PIK3R2: variants seen among roughly 807,000 people sequenced by gnomAD.
PIK3R2 encodes phosphatidylinositol 3-kinase regulatory subunit beta.
Under a neutral mutation model 78.5 loss-of-function variants are expected in PIK3R2, and 40 were observed. That is an observed-to-expected ratio of 0.51 (90% confidence interval 0.40 to 0.66). The LOEUF (loss-of-function observed/expected upper bound fraction) is 0.66, where lower values mean the gene tolerates loss of function less well. Among genes scored for constraint, PIK3R2 ranks in the 30% least tolerant of loss-of-function variants. The probability of loss-of-function intolerance (pLI) is 0.00; values close to 1 mark genes in which losing one functional copy is unlikely to be tolerated. For synonymous variants in PIK3R2, 473 were observed against 457.7 expected (o/e 1.03, Z -0.43); for missense variants, 880 against 1,026.6 (o/e 0.86, Z 1.95).
rs1478273918 is a variant in PIK3R2 at position 18,161,989 on chromosome 19, C to G, written c.839C>G (p.Pro280Arg). 1.2e-6 allele frequency: 2 copies of G among 1,613,970 alleles called. No individual in the cohort carries two copies. The highest frequency in any genetic ancestry group is 1.7e-5 in the Admixed American group (1 of 60,012). Residue 280 changes from proline to arginine, a missense_variant, in exon 7 of 16, where the codon CCG becomes CGG. Around this residue, in one of 3 missense-constraint regions of PIK3R2, gnomAD observed 456 missense variants for 486.6 expected, o/e 0.94. Coordinates refer to ENST00000222254, the MANE Select transcript of PIK3R2 (RefSeq NM_005027.4). The surrounding 1 kb of genome is among the most constrained non-coding windows in gnomAD (Gnocchi z 5.3). ...PDGSEPSPDF[P>R]ALLVEKLLQE... ...AGGAGTGAGCCCAGCCCTGACTTCC[C>G]GGCGCTGCTGGTGGAGAAGCTGCTT...
At position 18,156,241 on chromosome 19, in the gene PIK3R2, C is replaced by T; in HGVS notation, c.322+40C>T. 1 of 1,406,312 alleles carries T rather than the reference C, an allele frequency of 7.1e-7. No homozygotes were observed. The highest frequency in any genetic ancestry group is 2.6e-5 in the East Asian group (1 of 38,538). The allele number at this position is 1,406,312 out of a possible 1,614,324, so 87.1% of individuals were successfully genotyped here. Reference sequence around the variant, plus strand: ...GGGGCCCTGGAAAGGGGGGTGGTCCCCTCAGACCCTTGGTCTCCTCTTCTG... The same window carrying T: ...GGGGCCCTGGAAAGGGGGGTGGTCCTCTCAGACCCTTGGTCTCCTCTTCTG... On this transcript the variant is annotated intron_variant, in intron 2 of 15. Coordinates refer to ENST00000222254, the MANE Select transcript of PIK3R2 (RefSeq NM_005027.4). This position sits in a 1 kb window ranked among gnomAD's most constrained non-coding sequence, Gnocchi z 4.2.
In PIK3R2 at chr19:18,161,957, C is replaced by T. The variant is rs376292255; in HGVS notation, c.816-9C>T. 45 of 1,612,762 alleles carry T rather than the reference C, an allele frequency of 2.8e-5. No individual in the cohort carries two copies. Among genetic ancestry groups the T allele is most frequent in the Admixed American group, 1.2e-4 (7 of 59,988 alleles). On this transcript the variant is annotated splice_polypyrimidine_tract_variant and intron_variant, in intron 6 of 15. Transcript: ENST00000222254. This position sits in a 1 kb window ranked among gnomAD's most constrained non-coding sequence, Gnocchi z 5.3. Reference sequence around the variant, plus strand: ...ACCCAGCCCTCACCACACTCCCCTTCCCCCTAAGGAGTGAGCCCAGCCCTG... The same window carrying T: ...ACCCAGCCCTCACCACACTCCCCTTTCCCCTAAGGAGTGAGCCCAGCCCTG...
chr19:18,154,428 G>A (rs987902829), intron 1 of PIK3R2, among the ~76,000 whole-genome samples: 2 of 152,118 alleles, frequency 1.3e-5, no homozygotes, highest in African/African-American at 4.8e-5. Context: ...TGGGCCCCAG[G>A]CTGGAGCTAC....
In PIK3R2 at chr19:18,155,800, CAGCCCTGCTTCA is replaced by C. The variant is rs2043670909; in HGVS notation, c.-78_-67del. ...CCCAAGCCAACCCAGCGGACCCTCC[CAGCCCTGCTTCA>C]ACCAATGGGGCCAGTGGGGCTCCAA... is the stretch of plus-strand genomic sequence containing the variant. On this transcript the variant is annotated 5_prime_UTR_variant, in exon 2 of 16. Transcript: ENST00000222254. The C allele has an allele frequency of 1.5e-6, 2 of 1,350,688 alleles. No homozygotes were observed. Among genetic ancestry groups the C allele is most frequent in the Non-Finnish European group, 2.0e-6 (2 of 1,007,858 alleles). 83.7% of individuals were successfully genotyped at this position (1,350,688 alleles called of 1,614,324 possible).
intron 2 of PIK3R2, among the ~76,000 whole-genome samples, chr19:18,157,556 A>T (rs1030479001): frequency 1.4e-4 from 21 of 152,126 alleles, no homozygotes; most frequent in African/African-American, 4.8e-4. Context: ...CTGTGCACCC[A>T]CGGGGGAGGT....
chr19:18,157,965 G>C (rs562235876), intron 2 of PIK3R2, among the ~76,000 whole-genome samples: 1 of 152,214 alleles, frequency 6.6e-6, no homozygotes, highest in African/African-American at 2.4e-5. Flanking sequence ...AGGGCTGGGA[G>C]GGGGCTGGGC....
At chr19:18,157,995 C>T (rs915275962) in intron 2 of PIK3R2, among the ~76,000 whole-genome samples, 8 of 152,340 alleles carry the variant, frequency 5.3e-5, no homozygotes, top group Admixed American at 3.9e-4. Context: ...CGCCGGCACC[C>T]GCTAGGAGGG....
rs747442212 is a variant in PIK3R2, at chr19:18,168,732, C to T, written c.1815C>T (p.Tyr605=). The change falls in exon 15 of 16, where the codon TAC becomes TAT. Residue 605 remains tyrosine (Y), a synonymous_variant. Coordinates refer to ENST00000222254, the MANE Select transcript of PIK3R2 (RefSeq NM_005027.4). This position sits in a 1 kb window ranked among gnomAD's most constrained non-coding sequence, Gnocchi z 4.1. The stretch of plus-strand genomic sequence containing the variant: ...CCACCGCCCCCCACCCCAGCCAGTA[C>T]GCACTCATGGAGGACGAGGACGATC... ...LGIKNETEDQ[Y]ALMEDEDDLP... is the part of the protein sequence containing the mutation. The T allele has an allele frequency of 2.6e-5, 41 of 1,584,332 alleles. No individual in the cohort carries two copies. Among genetic ancestry groups the T allele is most frequent in the African/African-American group, 2.6e-4 (19 of 74,450 alleles).
Position 18,167,238 on chromosome 19 carries a change from C to T in PIK3R2, c.1668C>T (p.Ile556=), listed in dbSNP as rs756916682. The change falls in exon 13 of 16, where the codon ATC becomes ATT. Residue 556 remains isoleucine, a synonymous_variant. Coordinates refer to ENST00000222254, the MANE Select transcript of PIK3R2 (RefSeq NM_005027.4). This position sits in a 1 kb window ranked among gnomAD's most constrained non-coding sequence, Gnocchi z 4.5. ...LRAQASDNRE[I]DKRMNSLKPD... ...CCCAGGCCTCGGACAACAGAGAGAT[C>T]GACAAGCGCATGAACAGCCTCAAGC... is the stretch of plus-strand genomic sequence containing the variant. The T allele has an allele frequency of 4.3e-6, 7 of 1,612,762 alleles. No individual in the cohort carries two copies. The highest frequency in any genetic ancestry group is 5.9e-6 in the Non-Finnish European group (7 of 1,179,560).
chr19:18,156,234 G>T lies in PIK3R2; in HGVS notation c.322+33G>T. On this transcript the variant is annotated intron_variant, in intron 2 of 15. Coordinates refer to ENST00000222254, the MANE Select transcript of PIK3R2 (RefSeq NM_005027.4). The surrounding 1 kb of genome is among the most constrained non-coding windows in gnomAD (Gnocchi z 4.2). ...GCAAGCAGGGGCCCTGGAAAGGGGG[G>T]TGGTCCCCTCAGACCCTTGGTCTCC... 7.0e-7 allele frequency: 1 copy of T among 1,438,670 alleles called. No individual in the cohort carries two copies. Among genetic ancestry groups the T allele is most frequent in the African/African-American group, 1.5e-5 (1 of 66,912 alleles). 89.1% of individuals were successfully genotyped at this position (1,438,670 alleles called of 1,614,324 possible).
At chr19:18,162,643 G>GGAGGCT (rs2043762417) in intron 9 of PIK3R2, 137 bp downstream of exon 9, 1 of 726,794 alleles carries the variant, frequency 1.4e-6, no homozygotes, top group South Asian at 1.7e-5. Context: ...CAGCACTTTG[G>GGAGGCT]GAGGCTGAGG....
In PIK3R2 at chr19:18,156,005, C is replaced by T. The variant is rs893028434; in HGVS notation, c.126C>T (p.Gly42=). 30 of 1,558,536 alleles carry T rather than the reference C, an allele frequency of 1.9e-5. 1 individual carries two copies. The African/African-American group carries it at 3.1e-4, about 16-fold the overall frequency. ...GCCGGGCGGCCTTGCAGGCGCTGGGCGTGGCCGAGGGTGGCGAGCGCTGCC... is the reference window on the plus strand; with the variant it reads ...GCCGGGCGGCCTTGCAGGCGCTGGGTGTGGCCGAGGGTGGCGAGCGCTGCC... ...VVSRAALQAL[G]VAEGGERCPQ... The change falls in exon 2 of 16, where the codon GGC becomes GGT. Residue 42 remains glycine, a synonymous_variant. Coordinates refer to ENST00000222254, the MANE Select transcript of PIK3R2 (RefSeq NM_005027.4). This position sits in a 1 kb window ranked among gnomAD's most constrained non-coding sequence, Gnocchi z 4.2.
chr19:18,167,428 C>A lies in PIK3R2; in HGVS notation c.1736+122C>A, dbSNP rs1047780139. On this transcript the variant is annotated intron_variant, in intron 13 of 15. Coordinates refer to ENST00000222254, the MANE Select transcript of PIK3R2 (RefSeq NM_005027.4). This position sits in a 1 kb window ranked among gnomAD's most constrained non-coding sequence, Gnocchi z 4.5. ...TGGCCCTTCCTGGGCCCCGAGACCC[C>A]TTAAACTCGGTTCCTCCCGGGCCCC... The A allele has an allele frequency of 3.7e-6, 3 of 814,550 alleles. No homozygotes were observed. The Admixed American group carries it at 1.1e-4, about 31-fold the overall frequency. 50.5% of individuals were successfully genotyped at this position (814,550 alleles called of 1,614,324 possible).
At chr19:18,160,792 C>G in intron 3 of PIK3R2, 127 bp from the exon 4 acceptor site, 1 of 1,204,630 alleles carries the variant, frequency 8.3e-7, no homozygotes, top group Non-Finnish European at 1.2e-6. Context: ...TTCTCCCTCC[C>G]CACCCCTCCC....
rs1262786350 is a variant in PIK3R2, at chr19:18,156,913, CG to C, written c.322+716del. On this transcript the variant is annotated intron_variant, in intron 2 of 15. Coordinates refer to ENST00000222254, the MANE Select transcript of PIK3R2 (RefSeq NM_005027.4). This position sits in a 1 kb window ranked among gnomAD's most constrained non-coding sequence, Gnocchi z 4.2. ...ATGGGCAGGGAGTGTGGGCTCTGGC[CG>C]GGGAAACTGTGGCCCAGGTTGCAAG... 6.6e-6 allele frequency among the ~76,000 whole-genome samples: 1 copy of C among 152,120 alleles called. No individual in the cohort carries two copies. Among genetic ancestry groups the C allele is most frequent in the Non-Finnish European group, 1.5e-5 (1 of 68,004 alleles).
In PIK3R2 at chr19:18,159,163, T is replaced by TTTTTTTTTTTTTTTTTA. The variant is rs1555813899; in HGVS notation, c.323-1308_323-1307insTTTTTTTTTTTTTTTTA. The stretch of plus-strand genomic sequence containing the variant: ...GGCCTCCTTTTTTTTTTTTTTTTTT[T>TTTTTTTTTTTTTTTTTA]AAATTATTTAAGAGATGGGGTCTCA... On this transcript the variant is annotated intron_variant, in intron 2 of 15. Transcript: ENST00000222254. 2.1e-5 allele frequency among the ~76,000 whole-genome samples: 3 copies of TTTTTTTTTTTTTTTTTA among 140,362 alleles called. 1 individual carries two copies. The highest frequency in any genetic ancestry group is 5.4e-5 in the African/African-American group (2 of 37,300). The allele number at this position is 140,362 out of a possible 152,430, so 92.1% of individuals were successfully genotyped here.
rs1464436135 is a variant in PIK3R2 at position 18,162,198 on chromosome 19, C to T, written c.902-4C>T. The T allele has an allele frequency of 1.3e-6, 2 of 1,530,678 alleles. No individual in the cohort carries two copies. Among genetic ancestry groups the T allele is most frequent in the Non-Finnish European group, 1.8e-6 (2 of 1,106,996 alleles). 94.8% of individuals were successfully genotyped at this position (1,530,678 alleles called of 1,614,324 possible). On this transcript the variant is annotated splice_polypyrimidine_tract_variant and splice_region_variant and intron_variant, in intron 7 of 15. Transcript: ENST00000222254. ...CAGGATGCATTTGTTTTCCTGTCCC[C>T]CAGCGCTGCCGCCTAAACCCCCCAA... is the stretch of plus-strand genomic sequence containing the variant.
Position 18,169,483 on chromosome 19 carries a change from C to G in PIK3R2, c.*189C>G. The G allele has an allele frequency of 5.6e-6, 2 of 354,632 alleles. No individual in the cohort carries two copies. Among genetic ancestry groups the G allele is most frequent in the Non-Finnish European group, 1.0e-5 (2 of 196,830 alleles). 22.0% of individuals were successfully genotyped at this position (354,632 alleles called of 1,614,324 possible). On this transcript the variant is annotated 3_prime_UTR_variant, in exon 16 of 16. Transcript: ENST00000222254. ...CCCCATTCTCCAGATCTCCCTCTGT[C>G]TCCTTTTCTCTGTCTTTCTTGGCCC...
chr19:18,162,059 C>G lies in PIK3R2; in HGVS notation c.901+8C>G, dbSNP rs753425500. ...AGGAGGTTGCGCCCCCAGGTGAGTCCCCTGTATTGCTGTCATTTCTTCCCG... is the reference window on the plus strand; with the variant it reads ...AGGAGGTTGCGCCCCCAGGTGAGTCGCCTGTATTGCTGTCATTTCTTCCCG... On this transcript the variant is annotated splice_region_variant and intron_variant, in intron 7 of 15. Coordinates refer to ENST00000222254, the MANE Select transcript of PIK3R2 (RefSeq NM_005027.4). 1 of 1,611,218 alleles carries G rather than the reference C, an allele frequency of 6.2e-7. No individual in the cohort carries two copies. The highest frequency in any genetic ancestry group is 8.5e-7 in the Non-Finnish European group (1 of 1,177,720).
Sources: gnomAD v4.1 joint callset for allele counts (sites outside exome capture counted in the v4.1 genomes callset) on GRCh38, gnomAD v4.1.1 for gene constraint, gnomAD v4.1.1 regional missense constraint, Gnocchi (gnomAD v3.1) non-coding constraint, MANE v1.5 for transcripts, NCBI Gene and HGNC (gene_info 2026-07-23, HGNC 2026-07-21) for gene names.